The following CACUL1 variants were observed in gnomAD, a reference collection of about 807,000 sequenced individuals.
CACUL1 encodes CDK2-associated and cullin domain-containing protein 1.
Under a neutral mutation model 45.2 loss-of-function variants are expected in CACUL1, and 13 were observed. The observed-to-expected ratio is 0.29, with a 90% CI of 0.19 to 0.46. The LOEUF (loss-of-function observed/expected upper bound fraction) is 0.46. CACUL1 is among the 20% of genes least tolerant of loss of function. The pLI, the probability that CACUL1 is intolerant of heterozygous loss-of-function variation, is 1.00. For synonymous variants in CACUL1, 197 were observed against 174.2 expected (o/e 1.13, Z -1.03); for missense variants, 421 against 471.4 (o/e 0.89, Z 0.99).
chr10:118,709,161 A>T (rs1845461804), intron 3 of CACUL1, among the ~76,000 whole-genome samples: 2 of 152,208 alleles, frequency 1.3e-5, no homozygotes, highest in Admixed American at 1.3e-4. Context: ...AAATATATCT[A>T]TTCATTAAGT....
intron 1 of CACUL1, among the ~76,000 whole-genome samples, chr10:118,750,332 A>G (rs1845885060): frequency 6.6e-6 from 1 of 152,124 alleles, no homozygotes; most frequent in Admixed American, 6.6e-5. Flanking sequence ...CAAAAAAAAA[A>G]AAGGAATGGT....
rs552805335 is a variant in CACUL1 at position 118,700,362 on chromosome 10, A to G, written c.796+944T>C. 2.2e-4 allele frequency among the ~76,000 whole-genome samples: 34 copies of G among 152,256 alleles called. No homozygotes were observed. In the Middle Eastern group the frequency reaches 0.01, roughly 46 times the overall value. On this transcript the variant is annotated intron_variant, in intron 5 of 8. Transcript: ENST00000369151. ...TTCCTAACTCCACCTGGAGAAGTAT[A>G]TTCTTTCAGGAAAGGTAGAATGAGA...
At position 118,688,239 on chromosome 10, in the gene CACUL1, G is replaced by A. The variant is rs146160981; in HGVS notation, c.1026-1598C>T. Among the ~76,000 whole-genome samples the A allele has an allele frequency of 1.2e-3, 184 of 152,308 alleles. 1 individual carries two copies. In the Middle Eastern group the frequency reaches 0.017, roughly 14 times the overall value. On this transcript the variant is annotated intron_variant, in intron 7 of 8. Coordinates refer to ENST00000369151, the MANE Select transcript of CACUL1 (RefSeq NM_153810.5). ...ACAGCCAAAAGAGCTCTAACAGGCC[G>A]GCCCTCAGGCCACTTTTTAAACACC...
At chr10:118,740,116 C>A (rs1280738916) in intron 1 of CACUL1, among the ~76,000 whole-genome samples, 1 of 152,172 alleles carries the variant, frequency 6.6e-6, no homozygotes, top group Non-Finnish European at 1.5e-5. Flanking sequence ...CACTGCACTC[C>A]AGCCTGGGCG....
At chr10:118,686,896 G>A in intron 7 of CACUL1, 1 of 468,472 alleles carries the variant, frequency 2.1e-6, no homozygotes, top group Non-Finnish European at 3.8e-6. Flanking sequence ...TTAGAGTTAA[G>A]AAAATAGAGG....
At chr10:118,717,950 A>G (rs879534547) in intron 3 of CACUL1, among the ~76,000 whole-genome samples, 12 of 148,624 alleles carry the variant, frequency 8.1e-5, no homozygotes, top group Admixed American at 7.9e-4. Context: ...GGGGTCCTCC[A>G]TGACAAAAAA....
At chr10:118,723,931 A>AT (rs1452888245) in intron 3 of CACUL1, among the ~76,000 whole-genome samples, 6 of 151,806 alleles carry the variant, frequency 4.0e-5, no homozygotes, top group Non-Finnish European at 7.4e-5. Flanking sequence ...CACCCAGGTA[A>AT]TTTTTTTGTA....
chr10:118,720,673 T>A (rs1026358237), intron 3 of CACUL1, among the ~76,000 whole-genome samples: 1 of 152,222 alleles, frequency 6.6e-6, no homozygotes, highest in African/African-American at 2.4e-5. Flanking sequence ...AGCCAGCATA[T>A]GTTTTTGTAA....
Position 118,678,908 on chromosome 10 carries a change from ATAATT to A in CACUL1, c.*7215_*7219del, listed in dbSNP as rs1335447278. 6.6e-6 allele frequency: 1 copy of A among 152,244 alleles called. No individual in the cohort carries two copies. The highest frequency in any genetic ancestry group is 1.5e-5 in the Non-Finnish European group (1 of 68,046). 9.4% of individuals were successfully genotyped at this position (152,244 alleles called of 1,614,324 possible). ...ATCTTCTATGTCCTTAATAATCTTCATAATTTAGTCTCTGCAAGATCTATTAATTA... is the reference window on the plus strand; with the variant it reads ...ATCTTCTATGTCCTTAATAATCTTCATAGTCTCTGCAAGATCTATTAATTA... On this transcript the variant is annotated 3_prime_UTR_variant, in exon 9 of 9. Coordinates refer to ENST00000369151, the MANE Select transcript of CACUL1 (RefSeq NM_153810.5).
At chr10:118,742,808 C>T (rs1845804927) in intron 1 of CACUL1, among the ~76,000 whole-genome samples, 1 of 152,124 alleles carries the variant, frequency 6.6e-6, no homozygotes, top group Non-Finnish European at 1.5e-5. Context: ...AGTACCAAAC[C>T]TAAATAAATA....
chr10:118,699,151 A>T (rs17586204), intron 5 of CACUL1, among the ~76,000 whole-genome samples: 13,352 of 152,214 alleles, frequency 0.088, 638 homozygotes, highest in Admixed American at 0.14. Context: ...TTTGATGATC[A>T]CCCACATAAT....
At chr10:118,709,291 G>A (rs1009884702) in intron 3 of CACUL1, among the ~76,000 whole-genome samples, 4 of 152,208 alleles carry the variant, frequency 2.6e-5, no homozygotes, top group East Asian at 1.9e-4. Context: ...GGTCAAACCC[G>A]TGTTGTTCAA....
At chr10:118,748,064 G>A (rs566216222) in intron 1 of CACUL1, among the ~76,000 whole-genome samples, 147 of 152,214 alleles carry the variant, frequency 9.7e-4, no homozygotes, top group African/African-American at 3.4e-3. Flanking sequence ...CAGCCTGGGC[G>A]ACAGAGTGAG....
chr10:118,739,409 A>G (rs1845771431), intron 1 of CACUL1, among the ~76,000 whole-genome samples: 2 of 152,086 alleles, frequency 1.3e-5, no homozygotes, highest in African/African-American at 4.8e-5. Context: ...GAACTAAGAA[A>G]TTTTCTCAAG....
At chr10:118,742,748 T>C (rs2119670464) in intron 1 of CACUL1, among the ~76,000 whole-genome samples, 1 of 152,186 alleles carries the variant, frequency 6.6e-6, no homozygotes, top group East Asian at 1.9e-4. Context: ...AGCAGAACTC[T>C]AGTTAGAGTC....
intron 3 of CACUL1, among the ~76,000 whole-genome samples, chr10:118,708,269 T>C (rs1391256048): frequency 6.6e-6 from 1 of 152,068 alleles, no homozygotes; most frequent in Non-Finnish European, 1.5e-5. Flanking sequence ...GTTGGGAGGA[T>C]ATTCAACTAA....
intron 3 of CACUL1, 117 bp downstream of exon 3, chr10:118,729,178 A>T: frequency 1.5e-6 from 1 of 671,248 alleles, no homozygotes. Flanking sequence ...CCTAGAAAAC[A>T]TTTATAAATT....
At chr10:118,705,892 TAAC>T (rs1845428325) in intron 4 of CACUL1, among the ~76,000 whole-genome samples, 1 of 152,184 alleles carries the variant, frequency 6.6e-6, no homozygotes, top group Non-Finnish European at 1.5e-5. Flanking sequence ...ACAATTTACA[TAAC>T]AAATTCTCAA....
chr10:118,706,309 G>A (rs1229921214), intron 4 of CACUL1, among the ~76,000 whole-genome samples: 1 of 152,082 alleles, frequency 6.6e-6, no homozygotes, highest in Non-Finnish European at 1.5e-5. Flanking sequence ...CCACAAATAG[G>A]CCCTGTCTTT....
Sources: allele counts gnomAD v4.1 joint callset (sites outside exome capture counted in the v4.1 genomes callset), GRCh38; gene constraint gnomAD v4.1.1; transcripts MANE v1.5; gene names NCBI Gene and HGNC (gene_info 2026-07-23, HGNC 2026-07-21).